STPG2: variants seen among roughly 807,000 people sequenced by gnomAD.
STPG2 encodes the protein sperm tail PG-rich repeat containing 2.
STPG2 carries 56 observed loss-of-function variants against 54.2 expected under a neutral mutation model. That is an observed-to-expected ratio of 1.03 (90% CI 0.83 to 1.29). The LOEUF (loss-of-function observed/expected upper bound fraction) is 1.29, where lower values mean the gene tolerates loss of function less well. Ranked by LOEUF, STPG2 falls within the 50% of genes most tolerant of loss-of-function variation. The pLI, the probability that STPG2 is intolerant of heterozygous loss-of-function variation, is 0.00. For missense variants in STPG2, 596 were observed against 544.9 expected, an observed-to-expected ratio of 1.09 and a Z score of -0.93; for synonymous variants, 200 against 181.8, an observed-to-expected ratio of 1.10 and a Z score of -0.81.
chr4:98,099,850 T>C (rs1738974561), intron 5 of STPG2, among the ~76,000 whole-genome samples: 1 of 152,182 alleles, frequency 6.6e-6, no homozygotes, highest in African/African-American at 2.4e-5. Flanking sequence ...AGGGGGACTA[T>C]AGTCAATAAC....
intron 4 of STPG2, among the ~76,000 whole-genome samples, chr4:97,470,525 T>C (rs1729897900): frequency 6.6e-6 from 1 of 152,168 alleles, no homozygotes; most frequent in Non-Finnish European, 1.5e-5. Context: ...AGTGGATGTC[T>C]GAAATCATGG....
At chr4:97,831,727 G>A (rs1578602782) in intron 9 of STPG2, among the ~76,000 whole-genome samples, 2 of 152,264 alleles carry the variant, frequency 1.3e-5, no homozygotes, top group East Asian at 1.9e-4. Context: ...TACCATCAGA[G>A]AATACTATAA....
At chr4:97,585,735 T>A (rs1036307587) in intron 10 of STPG2, among the ~76,000 whole-genome samples, 8 of 151,904 alleles carry the variant, frequency 5.3e-5, no homozygotes, top group African/African-American at 1.7e-4. Flanking sequence ...ACAAGTAGGA[T>A]ATCCAGTGAT....
intron 10 of STPG2, among the ~76,000 whole-genome samples, chr4:97,604,463 C>G (rs1282339660): frequency 6.6e-6 from 1 of 151,686 alleles, no homozygotes; most frequent in Non-Finnish European, 1.5e-5. Flanking sequence ...TCTGAGCATT[C>G]TGTCTCAAAA....
intron 9 of STPG2, among the ~76,000 whole-genome samples, chr4:97,748,690 T>A (rs1308475071): frequency 1.3e-5 from 2 of 151,552 alleles, no homozygotes; most frequent in African/African-American, 4.8e-5. Flanking sequence ...CAATTATAAA[T>A]GAATGAGCAT....
intron 5 of STPG2, among the ~76,000 whole-genome samples, chr4:98,046,625 T>C (rs1737137814): frequency 6.6e-6 from 1 of 152,162 alleles, no homozygotes; most frequent in South Asian, 2.1e-4. Context: ...ATTAAGTCCT[T>C]CAAGATGCGG....
At chr4:97,593,396 GCTAGCATC>G (rs1433809574) in intron 10 of STPG2, among the ~76,000 whole-genome samples, 1 of 152,162 alleles carries the variant, frequency 6.6e-6, no homozygotes, top group Non-Finnish European at 1.5e-5. Flanking sequence ...TGACACTGAT[GCTAGCATC>G]CTGGTGTCAG....
chr4:98,121,535 T>G (rs1739679018), intron 3 of STPG2, among the ~76,000 whole-genome samples: 1 of 152,186 alleles, frequency 6.6e-6, no homozygotes, highest in Non-Finnish European at 1.5e-5. Flanking sequence ...CAATGTTTTT[T>G]CATTTGTTTG....
At chr4:97,502,200 AG>A (rs1490145408) in intron 4 of STPG2, among the ~76,000 whole-genome samples, 6 of 152,140 alleles carry the variant, frequency 3.9e-5, no homozygotes, top group Admixed American at 2.6e-4. Context: ...GAATATGAAG[AG>A]GTTATATTAT....
chr4:97,450,907 C>T lies in STPG2; in HGVS notation c.462+261792G>A, dbSNP rs1378416248. Among the ~76,000 whole-genome samples the T allele has an allele frequency of 3.9e-5, 6 of 152,058 alleles. No individual in the cohort carries two copies. The East Asian group carries it at 1.2e-3, about 29-fold the overall frequency. ...ATTTAACTACTAAAATAATTGTGTACTACTAATTTCAAAGGGAATTATTAA... is the reference window on the plus strand; with the variant it reads ...ATTTAACTACTAAAATAATTGTGTATTACTAATTTCAAAGGGAATTATTAA... On this transcript the variant is annotated intron_variant, in intron 4 of 4. Coordinates refer to the STPG2 transcript ENST00000522676.
At chr4:97,822,467 C>A (rs1728122484) in intron 9 of STPG2, among the ~76,000 whole-genome samples, 1 of 152,186 alleles carries the variant, frequency 6.6e-6, no homozygotes, top group Non-Finnish European at 1.5e-5. Context: ...AAAGTTCCTT[C>A]CTCATTTAAA....
chr4:97,712,452 A>C (rs1724153023), intron 10 of STPG2, among the ~76,000 whole-genome samples: 1 of 152,136 alleles, frequency 6.6e-6, no homozygotes, highest in Non-Finnish European at 1.5e-5. Context: ...AATATAAATA[A>C]ATTATATATA....
At chr4:97,448,514 T>A (rs776392186) in intron 4 of STPG2, among the ~76,000 whole-genome samples, 17 of 152,106 alleles carry the variant, frequency 1.1e-4, no homozygotes, top group Non-Finnish European at 2.2e-4. Flanking sequence ...TGAGTTCTCA[T>A]GACATCTGAT....
intron 4 of STPG2, among the ~76,000 whole-genome samples, chr4:97,490,346 T>C (rs185281463): frequency 6.6e-6 from 1 of 151,670 alleles, no homozygotes; most frequent in Admixed American, 6.6e-5. Flanking sequence ...CAGTCTTCTT[T>C]CTACTTAACC....
At chr4:97,576,468 T>C (rs1014124912) in intron 10 of STPG2, among the ~76,000 whole-genome samples, 1 of 151,918 alleles carries the variant, frequency 6.6e-6, no homozygotes, top group Non-Finnish European at 1.5e-5. Context: ...GCCACACACT[T>C]AGACAAAGTT....
chr4:97,648,664 G>T (rs940713274), intron 10 of STPG2, among the ~76,000 whole-genome samples: 2 of 152,026 alleles, frequency 1.3e-5, no homozygotes, highest in South Asian at 2.1e-4. Context: ...GTTTTCTGAG[G>T]TTATGAGACA....
At chr4:97,882,115 G>T (rs11725477) in intron 8 of STPG2, among the ~76,000 whole-genome samples, 59,480 of 151,648 alleles carry the variant, frequency 0.39, 11,745 homozygotes, top group Middle Eastern at 0.46. Flanking sequence ...ACATAAGCTG[G>T]TATGAGAAAT....
chr4:97,659,758 T>A (rs1239889117), intron 10 of STPG2, among the ~76,000 whole-genome samples: 2 of 152,162 alleles, frequency 1.3e-5, no homozygotes, highest in Non-Finnish European at 2.9e-5. Context: ...TTTTGTTACA[T>A]AATAAATAGT....
chr4:97,565,137 T>C (rs1327183725), intron 10 of STPG2, among the ~76,000 whole-genome samples: 2 of 152,162 alleles, frequency 1.3e-5, no homozygotes, highest in Non-Finnish European at 2.9e-5. Context: ...TCGTTTCTTT[T>C]TATTCTTTTT....
Sources: gnomAD v4.1 joint callset for allele counts (sites outside exome capture counted in the v4.1 genomes callset) on GRCh38, gnomAD v4.1.1 for gene constraint, MANE v1.5 for transcripts, NCBI Gene and HGNC (gene_info 2026-07-23, HGNC 2026-07-21) for gene names.